Variants in SLC12A7 observed in about 807,000 individuals in gnomAD.
The protein encoded by SLC12A7 is K-Cl cotransporter 4.
SLC12A7 carries 100 observed loss-of-function variants against 120.6 expected under a neutral mutation model. That is an observed-to-expected ratio of 0.83 (90% confidence interval 0.71 to 0.98). SLC12A7 has a LOEUF of 0.98. Among genes scored for constraint, SLC12A7 ranks in the 50% least tolerant of loss-of-function variants. The pLI is 0.00. For missense variants in SLC12A7, 1,373 were observed against 1,548.1 expected (o/e 0.89, Z 1.90); for synonymous variants, 760 against 678.0 (o/e 1.12, Z -1.88).
the SLC12A7 span, among the ~76,000 whole-genome samples, chr5:1,126,341 G>A: frequency 6.6e-5 from 10 of 152,138 alleles, no homozygotes; most frequent in Admixed American, 6.5e-4. Context: ...TGATCGCCTC[G>A]GCCTCCCAAA....
chr5:1,105,770 A>C (rs1742482298), intron 1 of SLC12A7, among the ~76,000 whole-genome samples: 1 of 152,074 alleles, frequency 6.6e-6, no homozygotes, highest in South Asian at 2.1e-4. Flanking sequence ...CCAGCCCCCC[A>C]TGTCAGTTAC....
chr5:1,096,163 C>T (rs998595270), intron 1 of SLC12A7, among the ~76,000 whole-genome samples: 17 of 152,200 alleles, frequency 1.1e-4, no homozygotes, highest in Non-Finnish European at 2.2e-4. Flanking sequence ...CTGAAAGAAA[C>T]GTGCTTGCTT....
At chr5:1,056,767 TGA>T (rs552377614) in intron 22 of SLC12A7, among the ~76,000 whole-genome samples, 189 of 152,218 alleles carry the variant, frequency 1.2e-3, no homozygotes, top group African/African-American at 4.4e-3. Flanking sequence ...TGACCCCGGG[TGA>T]GAGGTGTCTC....
chr5:1,088,947 G>A (rs756693997), intron 4 of SLC12A7, 35 bp downstream of exon 4: 14 of 1,611,654 alleles, frequency 8.7e-6, no homozygotes, highest in South Asian at 4.4e-5. Flanking sequence ...GCCACCGCCC[G>A]AAGGCACAGC....
At chr5:1,111,323 G>C (rs1742983435) in intron 1 of SLC12A7, among the ~76,000 whole-genome samples, 2 of 152,286 alleles carry the variant, frequency 1.3e-5, no homozygotes, top group East Asian at 3.9e-4. Flanking sequence ...GCCTGAGCAA[G>C]GCCCCGGTGG....
intron 1 of SLC12A7, among the ~76,000 whole-genome samples, chr5:1,097,438 TTGGAAAAAAGCAC>T (rs1416964807): frequency 6.6e-6 from 1 of 151,914 alleles, no homozygotes; most frequent in Non-Finnish European, 1.5e-5. Flanking sequence ...ACCTATGCAG[TTGGAAAAAAGCAC>T]TAGAAACAAC....
the SLC12A7 span, among the ~76,000 whole-genome samples, chr5:1,120,295 C>G: frequency 1.3e-5 from 2 of 152,224 alleles, no homozygotes; most frequent in African/African-American, 4.8e-5. Context: ...TGGGCACCTG[C>G]CGTCCACAGG....
chr5:1,143,488 G>A, the SLC12A7 span, among the ~76,000 whole-genome samples: 5 of 152,102 alleles, frequency 3.3e-5, no homozygotes, highest in South Asian at 2.1e-4. Flanking sequence ...ACAAGGACAC[G>A]TCCTATTGGG....
intron 7 of SLC12A7, among the ~76,000 whole-genome samples, chr5:1,084,530 A>G (rs1474517325): frequency 1.3e-5 from 2 of 152,144 alleles, no homozygotes; most frequent in Non-Finnish European, 2.9e-5. Flanking sequence ...CCAGGCCTGT[A>G]CGTGGAAAAC....
chr5:1,086,808 G>A lies in SLC12A7; in HGVS notation c.675+95C>T. The A allele has an allele frequency of 2.0e-6, 3 of 1,510,184 alleles. No individual in the cohort carries two copies. In the South Asian group the frequency reaches 3.7e-5, roughly 19 times the overall value. 93.5% of individuals were successfully genotyped at this position (1,510,184 alleles called of 1,614,324 possible). ...AGGGCAGTGGGGTCAGGATGGCTCA[G>A]TGTGCTGTGTGTGCCACAGAGTGGG... On this transcript the variant is annotated intron_variant, in intron 6 of 23. Transcript: ENST00000264930.
the SLC12A7 span, among the ~76,000 whole-genome samples, chr5:1,136,724 C>A: frequency 2.5e-4 from 24 of 94,278 alleles, no homozygotes; most frequent in African/African-American, 6.7e-4. Flanking sequence ...CACGCAGGCA[C>A]ACGTGTGCTC....
At chr5:1,133,168 G>A in the SLC12A7 span, among the ~76,000 whole-genome samples, 1 of 152,294 alleles carries the variant, frequency 6.6e-6, no homozygotes, top group South Asian at 2.1e-4. Flanking sequence ...TGCCAGGCTT[G>A]GCTTCCCAAA....
At chr5:1,096,224 G>C (rs940795511) in intron 1 of SLC12A7, among the ~76,000 whole-genome samples, 2 of 152,190 alleles carry the variant, frequency 1.3e-5, no homozygotes, top group African/African-American at 4.8e-5. Flanking sequence ...ACTCCCAACA[G>C]TTCAGAAACA....
chr5:1,090,690 G>A (rs1407602790), intron 3 of SLC12A7, among the ~76,000 whole-genome samples: 1 of 152,192 alleles, frequency 6.6e-6, no homozygotes, highest in African/African-American at 2.4e-5. Context: ...TCCACACAGG[G>A]GCCCCTGCCC....
intron 10 of SLC12A7, among the ~76,000 whole-genome samples, 157 bp from the exon 11 acceptor site, chr5:1,078,915 GGC>G (rs1738678757): frequency 6.6e-6 from 1 of 152,200 alleles, no homozygotes; most frequent in Middle Eastern, 3.4e-3. Context: ...TCCCATCCCG[GGC>G]ACGTCCTGTC....
the SLC12A7 span, among the ~76,000 whole-genome samples, chr5:1,135,323 C>T: frequency 1.3e-5 from 2 of 152,206 alleles, no homozygotes; most frequent in South Asian, 4.1e-4. Context: ...TTCCCAGGAC[C>T]CAGGAAGTCA....
intron 17 of SLC12A7, among the ~76,000 whole-genome samples, chr5:1,069,412 G>A (rs1321291497): frequency 2.0e-5 from 3 of 152,176 alleles, no homozygotes; most frequent in African/African-American, 7.2e-5. Flanking sequence ...GAGGCGGTGG[G>A]GGGCGGCTGC....
At chr5:1,058,805 G>T (rs1227429683) in intron 21 of SLC12A7, among the ~76,000 whole-genome samples, 2 of 152,222 alleles carry the variant, frequency 1.3e-5, no homozygotes, top group African/African-American at 4.8e-5. Flanking sequence ...GCTCTCGGCA[G>T]AGCCAGCGCC....
chr5:1,077,891 G>T lies in SLC12A7; in HGVS notation c.1571C>A (p.Thr524Lys). ...STCGAGLQSL[T>K]GAPRLLQAIA... ...GGCCTGCAGTAGGCGCGGTGCCCCC[G>T]TGAGGCTCTGCAGGCCGGCACCGCA... The change falls in exon 12 of 24, where the codon ACG (threonine) becomes AAG (lysine). Residue 524 changes from threonine (T) to lysine (K), a missense_variant. Physicochemically the swap from Thr to Lys is moderately conservative, Grantham distance 78. Transcript: ENST00000264930. 2 of 1,598,748 alleles carry T rather than the reference G, an allele frequency of 1.3e-6. No homozygotes were observed. Among genetic ancestry groups the T allele is most frequent in the African/African-American group, 1.3e-5 (1 of 74,736 alleles).
Sources: gnomAD v4.1 joint callset for allele counts (sites outside exome capture counted in the v4.1 genomes callset) on GRCh38, gnomAD v4.1.1 for gene constraint, MANE v1.5 for transcripts, NCBI Gene and HGNC (gene_info 2026-07-23, HGNC 2026-07-21) for gene names.